Variants in ADCY9 observed in about 807,000 individuals in gnomAD.
ADCY9 encodes the protein adenylate cyclase type 9.
Under a neutral mutation model 101.5 loss-of-function variants are expected in ADCY9, and 50 were observed. The observed-to-expected ratio is 0.49, with a 90% CI of 0.39 to 0.62. ADCY9 has a LOEUF of 0.62. ADCY9 is among the 20% of genes least tolerant of loss of function. The pLI is 0.00. For synonymous variants in ADCY9, 905 were observed against 769.3 expected, an observed-to-expected ratio of 1.18 and a Z score of -2.92; for missense variants, 1,662 against 1,800.4, an observed-to-expected ratio of 0.92 and a Z score of 1.39.
chr16:4,079,273 G>A (rs891863425), intron 2 of ADCY9, among the ~76,000 whole-genome samples: 4 of 152,176 alleles, frequency 2.6e-5, no homozygotes, highest in Admixed American at 6.5e-5. Context: ...TGATACAGAT[G>A]TATGTACAGA....
intron 3 of ADCY9, among the ~76,000 whole-genome samples, chr16:4,001,085 C>T (rs1457930162): frequency 6.6e-6 from 1 of 151,748 alleles, no homozygotes; most frequent in South Asian, 2.1e-4. Context: ...CTGCATATAT[C>T]CTCCGTACAT....
At chr16:3,970,662 G>A (rs2056043167) in intron 10 of ADCY9, among the ~76,000 whole-genome samples, 1 of 152,298 alleles carries the variant, frequency 6.6e-6, no homozygotes, top group Non-Finnish European at 1.5e-5. Context: ...TGTCTAATAA[G>A]TTTCACTAAC....
At chr16:4,104,181 T>TA (rs1472735107) in intron 2 of ADCY9, among the ~76,000 whole-genome samples, 2 of 152,280 alleles carry the variant, frequency 1.3e-5, no homozygotes, top group South Asian at 2.1e-4. Flanking sequence ...CCGCCAATGA[T>TA]AAAAAATTCC....
intron 3 of ADCY9, among the ~76,000 whole-genome samples, chr16:3,994,081 G>C (rs1221519534): frequency 2.0e-5 from 3 of 152,138 alleles, no homozygotes; most frequent in Non-Finnish European, 4.4e-5. Context: ...AATTCCCAAG[G>C]GGATGGCATT....
chr16:4,053,605 T>C (rs1403285849), intron 2 of ADCY9, among the ~76,000 whole-genome samples: 1 of 152,204 alleles, frequency 6.6e-6, no homozygotes, highest in Non-Finnish European at 1.5e-5. Flanking sequence ...GCCTGCACTT[T>C]GATGTTTCCC....
chr16:3,966,129 C>T lies in ADCY9; in HGVS notation c.3708G>A (p.Gln1236=), dbSNP rs1439306889. The part of the protein sequence containing the change: ...RGTVNVKGKG[Q]MKTYLYPKCT... ...ACTTTGGGTACAGGTAGGTCTTCAT[C>T]TGGCCTTTCCCCTTGACATTCACGG... Residue 1236 remains glutamine, a synonymous_variant, in exon 11 of 11, where the codon CAG becomes CAA. Transcript: ENST00000294016. The T allele has an allele frequency of 5.0e-6, 8 of 1,614,222 alleles. No homozygotes were observed. The highest frequency in any genetic ancestry group is 6.8e-6 in the Non-Finnish European group (8 of 1,180,038).
At chr16:4,110,682 G>A (rs2057108427) in intron 2 of ADCY9, among the ~76,000 whole-genome samples, 1 of 152,082 alleles carries the variant, frequency 6.6e-6, no homozygotes, top group African/African-American at 2.4e-5. Context: ...GAGCCACTGC[G>A]CCCAGCCTTA....
intron 3 of ADCY9, among the ~76,000 whole-genome samples, chr16:3,994,344 A>G (rs1452087987): frequency 6.6e-6 from 1 of 152,204 alleles, no homozygotes; most frequent in Non-Finnish European, 1.5e-5. Context: ...TGGTATTTCA[A>G]CAGGGTTTCT....
rs770177320 is a variant in ADCY9 at position 3,988,978 on chromosome 16, G to A, written c.2310+16C>T. Reference sequence around the variant, plus strand: ...AACACATTCTTTAGTAAAAGCGCAAGGAGAAATGAACGCACCTCTTCCTGA... The same window carrying A: ...AACACATTCTTTAGTAAAAGCGCAAAGAGAAATGAACGCACCTCTTCCTGA... On this transcript the variant is annotated intron_variant, in intron 6 of 10. Coordinates refer to ENST00000294016, the MANE Select transcript of ADCY9 (RefSeq NM_001116.4). 6.3e-7 allele frequency: 1 copy of A among 1,589,180 alleles called. No homozygotes were observed. The highest frequency in any genetic ancestry group is 1.1e-5 in the South Asian group (1 of 90,558).
intron 10 of ADCY9, among the ~76,000 whole-genome samples, chr16:3,969,428 G>A (rs1478655470): frequency 2.1e-5 from 3 of 145,960 alleles, no homozygotes; most frequent in Admixed American, 6.9e-5. Context: ...TGGTAGAAAC[G>A]GGGTTTCACC....
intron 2 of ADCY9, among the ~76,000 whole-genome samples, chr16:4,054,606 T>G (rs1005384564): frequency 1.3e-5 from 2 of 151,970 alleles, no homozygotes; most frequent in Non-Finnish European, 1.5e-5. Flanking sequence ...ACTCTCGCTC[T>G]GTCACCCAGG....
intron 2 of ADCY9, among the ~76,000 whole-genome samples, chr16:4,068,967 G>A (rs2056816988): frequency 6.6e-6 from 1 of 152,084 alleles, no homozygotes; most frequent in Non-Finnish European, 1.5e-5. Flanking sequence ...CCCACTTTCT[G>A]CTATTACAAG....
chr16:4,011,727 G>T (rs939608516), intron 2 of ADCY9, among the ~76,000 whole-genome samples: 8 of 151,900 alleles, frequency 5.3e-5, no homozygotes, highest in African/African-American at 1.9e-4. Flanking sequence ...CTGCTTCATC[G>T]CTGCCTCTCA....
downstream of ADCY9, among the ~76,000 whole-genome samples, chr16:3,960,721 C>T (rs765935322): frequency 6.6e-6 from 1 of 152,174 alleles, no homozygotes; most frequent in Admixed American, 6.5e-5. Context: ...TTACTTAACT[C>T]ACATCTCCTT....
intron 5 of ADCY9, among the ~76,000 whole-genome samples, chr16:3,955,108 T>G: frequency 6.6e-6 from 1 of 151,926 alleles, no homozygotes; most frequent in Admixed American, 6.6e-5. Flanking sequence ...CCAGAAGAAT[T>G]TGGGTCACGG....
At chr16:4,045,916 C>G (rs559191739) in intron 2 of ADCY9, among the ~76,000 whole-genome samples, 2 of 145,202 alleles carry the variant, frequency 1.4e-5, no homozygotes, top group East Asian at 4.0e-4. Context: ...CATCATGTTG[C>G]CCAGGCTGGT....
intron 8 of ADCY9, among the ~76,000 whole-genome samples, chr16:3,978,613 T>C (rs1597139992): frequency 6.6e-6 from 1 of 152,256 alleles, no homozygotes; most frequent in South Asian, 2.1e-4. Flanking sequence ...GCCCGGCCAC[T>C]GCCCGGGCGT....
chr16:4,015,007 T>C (rs1265694010), intron 2 of ADCY9, among the ~76,000 whole-genome samples: 1 of 129,536 alleles, frequency 7.7e-6, no homozygotes, highest in African/African-American at 2.9e-5. Context: ...AGTGGCTCCC[T>C]CAGCTCACTG....
At chr16:3,988,808 G>C (rs573889287) in intron 6 of ADCY9, among the ~76,000 whole-genome samples, 186 bp downstream of exon 6, 1 of 152,322 alleles carries the variant, frequency 6.6e-6, no homozygotes, top group African/African-American at 2.4e-5. Flanking sequence ...CTAAAGAAAG[G>C]GTTTTTTTCC....
Sources: allele counts gnomAD v4.1 joint callset (sites outside exome capture counted in the v4.1 genomes callset), GRCh38; gene constraint gnomAD v4.1.1; transcripts MANE v1.5; gene names NCBI Gene and HGNC (gene_info 2026-07-23, HGNC 2026-07-21).